Variants in ZNF496 observed in about 807,000 individuals in gnomAD.
ZNF496 encodes the protein NSD1 (nuclear receptor binding SET-domain containing 1)-interacting zinc finger protein 1.
Under a neutral mutation model 58.9 loss-of-function variants are expected in ZNF496, and 11 were observed. The ratio of observed to expected loss-of-function variants is 0.19; its 90% CI spans 0.12 to 0.31. The LOEUF is 0.31. Among genes scored for constraint, ZNF496 ranks in the 10% least tolerant of loss-of-function variants. The pLI is 1.00. For synonymous variants in ZNF496, 338 were observed against 318.2 expected, an observed-to-expected ratio of 1.06 and a Z score of -0.66; for missense variants, 660 against 783.0, an observed-to-expected ratio of 0.84 and a Z score of 1.88.
At position 247,300,738 on chromosome 1, in the gene ZNF496, G is replaced by A. The variant is rs912246745; in HGVS notation, c.1545C>T (p.Asn515=). The change falls in exon 10 of 10, where the codon AAC becomes AAT. Residue 515 remains asparagine, a synonymous_variant. Transcript: ENST00000682384. This position sits in a 1 kb window ranked among gnomAD's most constrained non-coding sequence, Gnocchi z 5.7. ...ACTGGAAGCTCAGTTTGGCCTTGCC[G>A]TTTTCCAGCGGCTCTTTGGGACCCT... ...ADKGPKEPLE[N]GKAKLSFQCC... 2.5e-6 allele frequency: 4 copies of A among 1,611,514 alleles called. No individual in the cohort carries two copies. Among genetic ancestry groups the A allele is most frequent in the Non-Finnish European group, 8.5e-7 (1 of 1,178,154 alleles).
Position 247,300,798 on chromosome 1 carries a change from C to T in ZNF496, c.1485G>A (p.Glu495=). The T allele has an allele frequency of 6.2e-7, 1 of 1,601,456 alleles. No homozygotes were observed. ...HLQPDRLQPV[E]KREQAASEDA... ...CCTCGGATGCCGCCTGCTCTCTCTT[C>T]TCCACCGGCTGGAGTCTGTCCGGCT... is the stretch of plus-strand genomic sequence containing the variant. The change falls in exon 10 of 10, where the codon GAG becomes GAA. Residue 495 remains glutamate, a synonymous_variant. Coordinates refer to ENST00000682384, the MANE Select transcript of ZNF496 (RefSeq NM_032752.3). The surrounding 1 kb of genome is among the most constrained non-coding windows in gnomAD (Gnocchi z 5.7).
At position 247,300,981 on chromosome 1, in the gene ZNF496, C is replaced by T. The variant is rs781183575; in HGVS notation, c.1302G>A (p.Pro434=). 5.6e-6 allele frequency: 9 copies of T among 1,613,770 alleles called. No homozygotes were observed. The highest frequency in any genetic ancestry group is 5.3e-5 in the African/African-American group (4 of 74,940). The part of the protein sequence containing the change: ...HLRSRREQEK[P]HECSVCGELF... The stretch of plus-strand genomic sequence containing the variant: ...GCTCCCCGCACACCGAGCACTCGTG[C>T]GGCTTCTCCTGCTCCCTGCGGCTCC... Residue 434 remains proline (P), a synonymous_variant, in exon 10 of 10, where the codon CCG becomes CCA. Transcript: ENST00000682384. This position sits in a 1 kb window ranked among gnomAD's most constrained non-coding sequence, Gnocchi z 5.7.
At chr1:247,313,862 G>A (rs952855360) in intron 6 of ZNF496, 11 of 152,312 alleles carry the variant, frequency 7.2e-5, no homozygotes, top group Admixed American at 5.9e-4. Context: ...TCTTCAAAGT[G>A]TGTTGTTGCA....
At chr1:247,301,974 GT>G (rs1479474821) in intron 9 of ZNF496, among the ~76,000 whole-genome samples, 1 of 152,202 alleles carries the variant, frequency 6.6e-6, no homozygotes, top group African/African-American at 2.4e-5. Context: ...GCCACAGGTG[GT>G]GATGGATAAA....
chr1:247,318,901 T>C (rs531321557), intron 6 of ZNF496, among the ~76,000 whole-genome samples: 42 of 151,518 alleles, frequency 2.8e-4, no homozygotes, highest in African/African-American at 1.0e-3. Context: ...CGGTTCTAAA[T>C]GTATGTAGAG....
At chr1:247,326,371 A>T (rs1660128785) in intron 5 of ZNF496, among the ~76,000 whole-genome samples, 1 of 152,146 alleles carries the variant, frequency 6.6e-6, no homozygotes, top group Non-Finnish European at 1.5e-5. Context: ...AACTCTCATC[A>T]TACCTACTTT....
At position 247,308,154 on chromosome 1, in the gene ZNF496, T is replaced by C. The variant is rs535707726; in HGVS notation, c.1006+321A>G. On this transcript the variant is annotated intron_variant, in intron 9 of 9. Coordinates refer to ENST00000682384, the MANE Select transcript of ZNF496 (RefSeq NM_032752.3). This position sits in a 1 kb window ranked among gnomAD's most constrained non-coding sequence, Gnocchi z 4.5. Reference sequence around the variant, plus strand: ...CTGGGATTGGGAGTGAGCTGGAGAATGACCCCAGCACAACGGAATCAGGGC... The same window carrying C: ...CTGGGATTGGGAGTGAGCTGGAGAACGACCCCAGCACAACGGAATCAGGGC... 2 of 380,018 alleles carry C rather than the reference T, an allele frequency of 5.3e-6. No individual in the cohort carries two copies. The highest frequency in any genetic ancestry group is 2.2e-4 in the South Asian group (2 of 9,218). The allele number at this position is 380,018 out of a possible 1,614,324, so 23.5% of individuals were successfully genotyped here. A position where few individuals can be genotyped will look rare whatever the true frequency, so the allele number is the denominator to read the frequency against.
At position 247,329,354 on chromosome 1, in the gene ZNF496, C is replaced by T. The variant is rs1295188803; in HGVS notation, c.225G>A (p.Arg75=). 1.9e-6 allele frequency: 3 copies of T among 1,613,550 alleles called. No homozygotes were observed. The highest frequency in any genetic ancestry group is 2.5e-6 in the Non-Finnish European group (3 of 1,179,950). Residue 75 remains arginine (R), a synonymous_variant, in exon 4 of 10, where the codon AGG becomes AGA. Transcript: ENST00000682384. The surrounding 1 kb of genome is among the most constrained non-coding windows in gnomAD (Gnocchi z 5.5). ...GCTCCAGAATCTGCTCCTTGGTGTG[C>T]CTCTCAGGCCGCAGCCAGCCCCCGC... is the stretch of plus-strand genomic sequence containing the variant. The part of the protein sequence containing the change: ...DLCGGWLRPE[R]HTKEQILELL...
intron 5 of ZNF496, 55 bp downstream of exon 5, chr1:247,328,628 T>C: frequency 4.1e-6 from 6 of 1,460,770 alleles, no homozygotes; most frequent in Non-Finnish European, 5.5e-6. Context: ...CAGTGCACAG[T>C]ATGGGGTGTG....
At chr1:247,316,135 G>GGTGTGTGTGTGTGTGTGTGT (rs148003455) in intron 6 of ZNF496, among the ~76,000 whole-genome samples, 6 of 139,926 alleles carry the variant, frequency 4.3e-5, no homozygotes, top group African/African-American at 1.6e-4. Context: ...CTGGGAGAGG[G>GGTGTGTGTGTGTGTGTGTGT]GTGTGTGTGT....
In ZNF496 at chr1:247,309,578, G is replaced by A; in HGVS notation, c.892+121C>T. On this transcript the variant is annotated intron_variant, in intron 8 of 9. Transcript: ENST00000682384. The surrounding 1 kb of genome is among the most constrained non-coding windows in gnomAD (Gnocchi z 4.3). ...GCAAGACATGCAAGACCCACATAGA[G>A]TCTGGGGAAATGAAGAAGGCAATTA... The A allele has an allele frequency of 2.7e-6, 4 of 1,483,896 alleles. No individual in the cohort carries two copies. The highest frequency in any genetic ancestry group is 3.6e-6 in the Non-Finnish European group (4 of 1,116,956). The allele number at this position is 1,483,896 out of a possible 1,614,324, so 91.9% of individuals were successfully genotyped here. A position where few individuals can be genotyped will look rare whatever the true frequency, so the allele number is the denominator to read the frequency against.
At chr1:247,322,706 T>A in intron 6 of ZNF496, 1 of 1,289,120 alleles carries the variant, frequency 7.8e-7, no homozygotes, top group Non-Finnish European at 1.0e-6. Flanking sequence ...ACCACGTAGA[T>A]CTGTGACAGG....
In ZNF496 at chr1:247,309,735, G is replaced by T; in HGVS notation, c.856C>A (p.Leu286Ile). 2.5e-6 allele frequency: 4 copies of T among 1,614,212 alleles called. No homozygotes were observed. In the South Asian group the frequency reaches 4.4e-5, roughly 18 times the overall value. Residue 286 changes from leucine (L) to isoleucine (I), a missense_variant, in exon 8 of 10, where the codon CTC (leucine) becomes ATC (isoleucine). Coordinates refer to ENST00000682384, the MANE Select transcript of ZNF496 (RefSeq NM_032752.3). This position sits in a 1 kb window ranked among gnomAD's most constrained non-coding sequence, Gnocchi z 4.3. Reference protein sequence around the residue: ...NEPRVPELQDLQGKEVPQVSY... With the variant: ...NEPRVPELQDIQGKEVPQVSY... ...ACCTGGGGCACTTCTTTGCCCTGGA[G>T]ATCCTGCAACTCTGGAACGCGTGGC...
chr1:247,322,927 C>T, intron 6 of ZNF496: 1 of 778,604 alleles, frequency 1.3e-6, no homozygotes, highest in Non-Finnish European at 2.0e-6. Flanking sequence ...ACAAAGCTTC[C>T]TGAAGGTGGC....
Position 247,309,779 on chromosome 1 carries a change from G to A in ZNF496, c.812C>T (p.Ser271Phe). The change falls in exon 8 of 10, where the codon TCC becomes TTC. Residue 271 changes from serine to phenylalanine, a missense_variant. Transcript: ENST00000682384. The surrounding 1 kb of genome is among the most constrained non-coding windows in gnomAD (Gnocchi z 4.3). The part of the protein sequence containing the change: ...PNDLAAQPDL[S>F]QGEENEPRVP... Reference sequence around the variant, plus strand: ...GCGTGGCTCATTCTCCTCTCCCTGGGAGAGATCTGGCTGGGCAGCTAGGTC... The same window carrying A: ...GCGTGGCTCATTCTCCTCTCCCTGGAAGAGATCTGGCTGGGCAGCTAGGTC... 1 of 1,614,184 alleles carries A rather than the reference G, an allele frequency of 6.2e-7. No individual in the cohort carries two copies. The highest frequency in any genetic ancestry group is 8.5e-7 in the Non-Finnish European group (1 of 1,180,042).
intron 7 of ZNF496, 84 bp downstream of exon 7, chr1:247,310,240 G>A (rs1388357772): frequency 6.3e-7 from 1 of 1,581,710 alleles, no homozygotes; most frequent in Non-Finnish European, 8.6e-7. Flanking sequence ...CTGATCCTAT[G>A]GGACGAAGTT....
chr1:247,312,796 T>A lies in ZNF496; in HGVS notation c.652-2340A>T, dbSNP rs1275374050. 2 of 152,082 alleles carry A rather than the reference T, an allele frequency of 1.3e-5. 1 individual carries two copies. The highest frequency in any genetic ancestry group is 2.9e-5 in the Non-Finnish European group (2 of 68,030). The allele number at this position is 152,082 out of a possible 1,614,324, so 9.4% of individuals were successfully genotyped here. A position where few individuals can be genotyped will look rare whatever the true frequency, so the allele number is the denominator to read the frequency against. ...GTCTGTTCATGGCAACACAGGCTTT[T>A]TCTAGCCTGCACTTCAAAACTCTTC... is the stretch of plus-strand genomic sequence containing the variant. On this transcript the variant is annotated intron_variant, in intron 6 of 9. Coordinates refer to ENST00000682384, the MANE Select transcript of ZNF496 (RefSeq NM_032752.3).
chr1:247,324,947 T>C (rs1024225781), intron 5 of ZNF496, among the ~76,000 whole-genome samples: 2 of 152,240 alleles, frequency 1.3e-5, no homozygotes, highest in African/African-American at 4.8e-5. Context: ...TTGTTCAGGC[T>C]TCTGCCATGA....
intron 1 of ZNF496, 66 bp from the exon 2 acceptor site, chr1:247,331,713 G>A (rs1484058428): frequency 6.6e-6 from 1 of 151,098 alleles, no homozygotes; most frequent in East Asian, 2.0e-4. Flanking sequence ...TCTGGGCTGG[G>A]AGGCGGCGCC....
Sources: allele counts gnomAD v4.1 joint callset (sites outside exome capture counted in the v4.1 genomes callset), GRCh38; gene constraint gnomAD v4.1.1; non-coding constraint Gnocchi (gnomAD v3.1); transcripts MANE v1.5; gene names NCBI Gene and HGNC (gene_info 2026-07-23, HGNC 2026-07-21).